The following PCLO variants were observed in gnomAD, a reference collection of about 807,000 sequenced individuals.
The protein encoded by PCLO is protein piccolo.
Under a neutral mutation model 427.5 loss-of-function variants are expected in PCLO, and 82 were observed. The ratio of observed to expected loss-of-function variants is 0.19; its 90% CI spans 0.16 to 0.23. PCLO has a LOEUF of 0.23. Among genes scored for constraint, PCLO ranks in the 10% least tolerant of loss-of-function variants. The probability of loss-of-function intolerance (pLI) is 1.00; values close to 1 mark genes in which losing one functional copy is unlikely to be tolerated. For synonymous variants in PCLO, 2,357 were observed against 2,155.4 expected, an observed-to-expected ratio of 1.09 and a Z score of -2.59; for missense variants, 6,239 against 6,115.9, an observed-to-expected ratio of 1.02 and a Z score of -0.67.
intron 3 of PCLO, among the ~76,000 whole-genome samples, chr7:82,999,090 G>C (rs1441911034): frequency 1.4e-5 from 2 of 147,020 alleles, no homozygotes; most frequent in Admixed American, 1.4e-4. Context: ...GCAAATTAAA[G>C]AATCTCTGAG....
intron 7 of PCLO, among the ~76,000 whole-genome samples, chr7:82,910,046 T>C (rs73385950): frequency 0.02 from 3,037 of 152,206 alleles, 111 homozygotes; most frequent in African/African-American, 0.069. Flanking sequence ...TAATAAATTG[T>C]TTTAGTCTTT....
chr7:82,796,957 C>T lies in PCLO; in HGVS notation c.15007+4561G>A, dbSNP rs142639005. Among the ~76,000 whole-genome samples, 420 of 151,556 alleles carry T rather than the reference C, an allele frequency of 2.8e-3. 2 individuals are homozygous for T. Among genetic ancestry groups the T allele is most frequent in the African/African-American group, 1.0e-2 (412 of 41,284 alleles). On this transcript the variant is annotated intron_variant, in intron 22 of 24. Transcript: ENST00000333891. ...AACTTTGGAAATATAAGAAAGGTAGCCTAAGTATTGGGAAAAATAAGACAG... is the reference window on the plus strand; with the variant it reads ...AACTTTGGAAATATAAGAAAGGTAGTCTAAGTATTGGGAAAAATAAGACAG...
intron 4 of PCLO, among the ~76,000 whole-genome samples, chr7:82,959,898 T>C (rs1201247706): frequency 1.3e-5 from 2 of 152,304 alleles, no homozygotes; most frequent in East Asian, 1.9e-4. Flanking sequence ...CTGCCATTTA[T>C]TGAGCTGCAG....
rs1476036762 is a variant in PCLO at position 82,954,374 on chromosome 7, G to A, written c.6579C>T (p.Thr2193=). Residue 2193 remains threonine (T), a synonymous_variant, in exon 5 of 25, where the codon ACC becomes ACT. Coordinates refer to ENST00000333891, the MANE Select transcript of PCLO (RefSeq NM_033026.6). ...SLTSSVSSVC[T]TDSSSPITTL... ...TAGTAATGGGTGAAGAGCTATCTGT[G>A]GTACAGACCGAAGAAACAGATGATG... 7.4e-6 allele frequency: 12 copies of A among 1,613,850 alleles called. No individual in the cohort carries two copies. In the East Asian group the frequency reaches 8.9e-5, roughly 12 times the overall value.
intron 8 of PCLO, among the ~76,000 whole-genome samples, chr7:82,907,135 A>C (rs2116221482): frequency 6.6e-6 from 1 of 152,126 alleles, no homozygotes; most frequent in Non-Finnish European, 1.5e-5. Context: ...CATTACTTTA[A>C]ATATATCCTC....
At chr7:83,048,031 T>A (rs1789144334) in intron 3 of PCLO, among the ~76,000 whole-genome samples, 1 of 152,068 alleles carries the variant, frequency 6.6e-6, no homozygotes, top group African/African-American at 2.4e-5. Context: ...CAATGAACTT[T>A]TTTTCCACAA....
intron 3 of PCLO, among the ~76,000 whole-genome samples, chr7:82,974,249 G>A (rs566626049): frequency 2.3e-4 from 35 of 152,246 alleles, no homozygotes; most frequent in Admixed American, 1.6e-3. Flanking sequence ...AGCCAGGTGT[G>A]GTGATGGGCA....
intron 3 of PCLO, among the ~76,000 whole-genome samples, chr7:83,027,203 T>C (rs946012730): frequency 4.4e-5 from 6 of 136,340 alleles, no homozygotes; most frequent in East Asian, 2.0e-4. Flanking sequence ...ATTGATAGAC[T>C]GCTAGCAAGA....
chr7:82,915,761 T>C lies in PCLO; in HGVS notation c.12225A>G (p.Lys4075=). The change falls in exon 7 of 25, where the codon AAA becomes AAG. Residue 4075 remains lysine, a synonymous_variant. Transcript: ENST00000333891. ...AFSLHEKDLS[K]TDRLLRTTET... Reference sequence around the variant, plus strand: ...CAGTGGTTCGAAGGAGACGGTCTGTTTTTGACAGATCCTTTTCATGAAGGC... The same window carrying C: ...CAGTGGTTCGAAGGAGACGGTCTGTCTTTGACAGATCCTTTTCATGAAGGC... 6.2e-7 allele frequency: 1 copy of C among 1,612,296 alleles called. No homozygotes were observed. The highest frequency in any genetic ancestry group is 8.5e-7 in the Non-Finnish European group (1 of 1,179,072).
At chr7:83,097,468 G>A (rs1790618767) in intron 3 of PCLO, among the ~76,000 whole-genome samples, 2 of 146,426 alleles carry the variant, frequency 1.4e-5, no homozygotes, top group South Asian at 2.1e-4. Flanking sequence ...CTTGCAGTGA[G>A]CCGAGATCCT....
At chr7:82,902,060 G>T (rs1022559518) in intron 9 of PCLO, among the ~76,000 whole-genome samples, 6 of 151,792 alleles carry the variant, frequency 4.0e-5, no homozygotes, top group African/African-American at 1.5e-4. Flanking sequence ...ATTTGACCCA[G>T]CCATCCCATT....
chr7:82,930,301 G>C (rs952333217), intron 6 of PCLO, among the ~76,000 whole-genome samples: 1 of 152,064 alleles, frequency 6.6e-6, no homozygotes, highest in Non-Finnish European at 1.5e-5. Flanking sequence ...CGGAGGGAGG[G>C]AGAAACAGCA....
intron 22 of PCLO, among the ~76,000 whole-genome samples, chr7:82,771,887 T>C (rs17156656): frequency 0.063 from 9,664 of 152,200 alleles, 715 homozygotes; most frequent in African/African-American, 0.18. Context: ...ACAATCAAGA[T>C]AGGGAATAAA....
Position 82,955,308 on chromosome 7 carries a change from T to C in PCLO, c.5645A>G (p.Lys1882Arg). 6.2e-7 allele frequency: 1 copy of C among 1,613,454 alleles called. No individual in the cohort carries two copies. Among genetic ancestry groups the C allele is most frequent in the Non-Finnish European group, 8.5e-7 (1 of 1,179,740 alleles). Residue 1882 changes from lysine (K) to arginine (R), a missense_variant, in exon 5 of 25, where the codon AAA becomes AGA. This residue lies in a region of PCLO where 4,677 missense variants were observed against 4,468.4 expected (regional missense o/e 1.05). Transcript: ENST00000333891. Reference protein sequence around the residue: ...ISPEKIIEVQKVYKLPTAVSL... With the variant: ...ISPEKIIEVQRVYKLPTAVSL... ...AACAGCTGTGGGCAATTTATAAACT[T>C]TTTGTACTTCTATTATTTTTTCCGG...
intron 3 of PCLO, among the ~76,000 whole-genome samples, chr7:83,017,481 T>C (rs41601): frequency 0.33 from 50,350 of 151,702 alleles, 10,000 homozygotes; most frequent in Middle Eastern, 0.47. Flanking sequence ...CAGGACACAT[T>C]TGTCAATATC....
intron 1 of PCLO, among the ~76,000 whole-genome samples, chr7:83,157,283 T>A (rs753527130): frequency 5.6e-4 from 85 of 152,286 alleles, no homozygotes; most frequent in Middle Eastern, 6.8e-3. Flanking sequence ...ATCAGTGTTA[T>A]CTTTTTTAAA....
At chr7:83,095,599 G>A (rs1584016671) in intron 3 of PCLO, among the ~76,000 whole-genome samples, 2 of 151,858 alleles carry the variant, frequency 1.3e-5, no homozygotes, top group East Asian at 3.9e-4. Context: ...TGCTTTAGAT[G>A]AGCTCCACAA....
In PCLO at chr7:82,952,629, A is replaced by G. The variant is rs747103529; in HGVS notation, c.8324T>C (p.Ile2775Thr). 6.8e-6 allele frequency: 11 copies of G among 1,613,852 alleles called. No homozygotes were observed. The highest frequency in any genetic ancestry group is 9.3e-6 in the Non-Finnish European group (11 of 1,179,848). Residue 2775 changes from isoleucine (I) to threonine (T), a missense_variant, in exon 5 of 25, where the codon ATT (isoleucine) becomes ACT (threonine). Around this residue, in one of 5 missense-constraint regions of PCLO, gnomAD observed 4,677 missense variants for 4,468.4 expected, o/e 1.05. Coordinates refer to ENST00000333891, the MANE Select transcript of PCLO (RefSeq NM_033026.6). ...GKQISAVQPSIINLSVTSSIV... is the reference protein window; with the variant it reads ...GKQISAVQPSTINLSVTSSIV... The stretch of plus-strand genomic sequence containing the variant: ...TGATGATGTCACACTAAGATTTATA[A>G]TAGAGGGTTGGACAGCACTAATTTG...
chr7:82,810,955 C>T (rs769636360), intron 20 of PCLO, among the ~76,000 whole-genome samples: 17 of 151,822 alleles, frequency 1.1e-4, no homozygotes, highest in Non-Finnish European at 2.1e-4. Context: ...CTCTGCCTAT[C>T]CTACTAAATT....
Sources: allele counts gnomAD v4.1 joint callset (sites outside exome capture counted in the v4.1 genomes callset), GRCh38; gene constraint gnomAD v4.1.1; regional missense constraint gnomAD v4.1.1; transcripts MANE v1.5; gene names NCBI Gene and HGNC (gene_info 2026-07-23, HGNC 2026-07-21).